The following KIF16B variants were observed in gnomAD, a reference collection of about 807,000 sequenced individuals.
KIF16B encodes kinesin-like protein KIF16B.
A neutral mutation model predicts 156.3 loss-of-function variants in KIF16B; 98 were observed. That is an observed-to-expected ratio of 0.63 (90% CI 0.53 to 0.74). KIF16B has a LOEUF of 0.74. Among genes scored for constraint, KIF16B ranks in the 30% least tolerant of loss-of-function variants. The pLI, the probability that KIF16B is intolerant of heterozygous loss-of-function variation, is 0.00. For synonymous variants in KIF16B, 564 were observed against 583.7 expected, an observed-to-expected ratio of 0.97 and a Z score of 0.49; for missense variants, 1,421 against 1,606.5, an observed-to-expected ratio of 0.88 and a Z score of 1.97.
intron 17 of KIF16B, among the ~76,000 whole-genome samples, chr20:16,396,174 T>C (rs1183612378): frequency 6.6e-6 from 1 of 152,102 alleles, no homozygotes; most frequent in Non-Finnish European, 1.5e-5. Context: ...TCGATTTGCA[T>C]AGGAGCGCAA....
intron 1 of KIF16B, among the ~76,000 whole-genome samples, chr20:16,553,542 C>A (rs1403925986): frequency 1.3e-5 from 2 of 152,146 alleles, no homozygotes; most frequent in African/African-American, 4.8e-5. Flanking sequence ...ACCAGCTAAG[C>A]CTATTTGGAC....
chr20:16,356,521 C>T (rs1050707588), intron 22 of KIF16B, 69 bp from the exon 23 acceptor site: 46 of 1,564,396 alleles, frequency 2.9e-5, no homozygotes, highest in Admixed American at 7.1e-5. Flanking sequence ...ATATCCTGCT[C>T]GGGTAGGAGG....
Position 16,379,704 on chromosome 20 carries a change from T to C in KIF16B, c.2298A>G (p.Glu766=). Residue 766 remains glutamate (E), a synonymous_variant, in exon 19 of 26, where the codon GAA becomes GAG. Coordinates refer to ENST00000354981, the MANE Select transcript of KIF16B (RefSeq NM_024704.5). ...TCTCCTGCTTCTCTCGGAGCTGCTC[T>C]TCCAGATGGGCCACGAGCATGACCT... is the stretch of plus-strand genomic sequence containing the variant. ...KEQVMLVAHL[E]EQLREKQEMI... 2 of 1,614,180 alleles carry C rather than the reference T, an allele frequency of 1.2e-6. No homozygotes were observed. The highest frequency in any genetic ancestry group is 1.7e-6 in the Non-Finnish European group (2 of 1,180,032).
chr20:16,381,783 A>G, intron 17 of KIF16B, 36 bp from the exon 18 acceptor site: 1 of 1,553,532 alleles, frequency 6.4e-7, no homozygotes, highest in East Asian at 2.3e-5. Flanking sequence ...CACTTTTCTA[A>G]AGAGCTTTTC....
intron 25 of KIF16B, among the ~76,000 whole-genome samples, chr20:16,303,271 G>T (rs2063497716): frequency 6.6e-6 from 1 of 152,208 alleles, no homozygotes; most frequent in Admixed American, 6.5e-5. Flanking sequence ...TTACGTAGCA[G>T]AGCAGTAATT....
rs117971814 is a variant in KIF16B at position 16,471,166 on chromosome 20, G to A, written c.1302+23125C>T. 3.2e-3 allele frequency among the ~76,000 whole-genome samples: 482 copies of A among 152,134 alleles called. 3 individuals are homozygous for A. Among genetic ancestry groups the A allele is most frequent in the East Asian group, 0.02 (103 of 5,168 alleles). The stretch of plus-strand genomic sequence containing the variant: ...CTATGATGCCCTCTGGAAACTTTCC[G>A]TCTCCATGAGTTTACAAAATTTAAA... On this transcript the variant is annotated intron_variant, in intron 12 of 25. Coordinates refer to ENST00000354981, the MANE Select transcript of KIF16B (RefSeq NM_024704.5).
At chr20:16,314,113 C>G (rs1196479201) in intron 24 of KIF16B, among the ~76,000 whole-genome samples, 1 of 152,162 alleles carries the variant, frequency 6.6e-6, no homozygotes, top group African/African-American at 2.4e-5. Flanking sequence ...CAGTGGTCGT[C>G]CTTCTTAGCA....
chr20:16,391,488 A>G (rs2065364099), intron 17 of KIF16B, among the ~76,000 whole-genome samples: 1 of 152,214 alleles, frequency 6.6e-6, no homozygotes, highest in Non-Finnish European at 1.5e-5. Context: ...TAACTAATAC[A>G]TAATGCGTAT....
chr20:16,430,317 T>C (rs1394805942), intron 12 of KIF16B, among the ~76,000 whole-genome samples: 2 of 152,170 alleles, frequency 1.3e-5, no homozygotes, highest in Non-Finnish European at 2.9e-5. Flanking sequence ...AATATCAAGA[T>C]GTTGCCTTAG....
rs1484360863 is a variant in KIF16B, at chr20:16,346,437, G to A, written c.3621+9893C>T. Among the ~76,000 whole-genome samples, 5 of 152,170 alleles carry A rather than the reference G, an allele frequency of 3.3e-5. No homozygotes were observed. In the East Asian group the frequency reaches 9.7e-4, roughly 29 times the overall value. ...TGCATCACCGACAAGTACAGAAGGT[G>A]CCTCAGAGCCTCAGGCTTGTGAACC... On this transcript the variant is annotated intron_variant, in intron 23 of 25. Transcript: ENST00000354981.
chr20:16,469,278 A>AAAAAAAAAAAAAAAAAAAAAG (rs2067588688), intron 12 of KIF16B, among the ~76,000 whole-genome samples: 1 of 147,956 alleles, frequency 6.8e-6, no homozygotes, highest in Non-Finnish European at 1.5e-5. Flanking sequence ...AAAAAAAAAA[A>AAAAAAAAAAAAAAAAAAAAAG]AATGGTCTCC....
intron 12 of KIF16B, among the ~76,000 whole-genome samples, chr20:16,444,166 A>C (rs1193953616): frequency 2.6e-5 from 4 of 152,234 alleles, no homozygotes; most frequent in African/African-American, 4.8e-5. Flanking sequence ...AACTATTTAC[A>C]TGTTGTAAAC....
chr20:16,556,702 G>A (rs371625748), intron 1 of KIF16B, among the ~76,000 whole-genome samples: 1 of 152,140 alleles, frequency 6.6e-6, no homozygotes, highest in Non-Finnish European at 1.5e-5. Context: ...CCCATTGCAT[G>A]TTCCAGGCAT....
In KIF16B at chr20:16,448,910, A is replaced by G. The variant is rs972340784; in HGVS notation, c.1303-18928T>C. On this transcript the variant is annotated intron_variant, in intron 12 of 25. Coordinates refer to ENST00000354981, the MANE Select transcript of KIF16B (RefSeq NM_024704.5). The stretch of plus-strand genomic sequence containing the variant: ...AGAGAGAGAGAGAGAGAGGGAGGAA[A>G]CAATTGACATGTGAGTGGAAACTCA... 4.2e-5 allele frequency among the ~76,000 whole-genome samples: 6 copies of G among 142,038 alleles called. No homozygotes were observed. In the East Asian group the frequency reaches 9.9e-4, roughly 23 times the overall value. 93.2% of individuals were successfully genotyped at this position (142,038 alleles called of 152,430 possible).
intron 12 of KIF16B, among the ~76,000 whole-genome samples, chr20:16,447,141 G>A (rs946170787): frequency 2.0e-5 from 3 of 152,062 alleles, no homozygotes; most frequent in Non-Finnish European, 4.4e-5. Flanking sequence ...CTCTTCAGGG[G>A]CTTATCTGAT....
At chr20:16,545,675 C>T (rs73244224) in intron 1 of KIF16B, among the ~76,000 whole-genome samples, 2,855 of 152,110 alleles carry the variant, frequency 0.019, 86 homozygotes, top group African/African-American at 0.065. Flanking sequence ...AAAAGAAAAA[C>T]GTGGAAATGT....
chr20:16,320,661 A>C (rs1344119822), intron 24 of KIF16B, among the ~76,000 whole-genome samples: 2 of 152,346 alleles, frequency 1.3e-5, no homozygotes, highest in East Asian at 3.9e-4. Context: ...TGAAGCAGAT[A>C]AGAACTCAGA....
At chr20:16,431,473 C>T (rs2066497544) in intron 12 of KIF16B, among the ~76,000 whole-genome samples, 1 of 152,188 alleles carries the variant, frequency 6.6e-6, no homozygotes, top group Non-Finnish European at 1.5e-5. Flanking sequence ...CCTGCCCCAT[C>T]TCAGGGATGC....
chr20:16,504,277 A>T, intron 10 of KIF16B, 95 bp downstream of exon 10: 1 of 1,260,190 alleles, frequency 7.9e-7, no homozygotes, highest in Non-Finnish European at 1.1e-6. Flanking sequence ...ATTTACTCAA[A>T]TCAATAGCAT....
Sources: allele counts gnomAD v4.1 joint callset (sites outside exome capture counted in the v4.1 genomes callset), GRCh38; gene constraint gnomAD v4.1.1; transcripts MANE v1.5; gene names NCBI Gene and HGNC (gene_info 2026-07-23, HGNC 2026-07-21).